Variants in BSG observed in about 807,000 individuals in gnomAD.
The protein encoded by BSG is basigin (Ok blood group).
A neutral mutation model predicts 43.1 loss-of-function variants in BSG; 37 were observed. The observed-to-expected ratio is 0.86, with a 90% CI of 0.66 to 1.13. BSG has a LOEUF of 1.13. Ranked by LOEUF, BSG falls within the 50% of genes most tolerant of loss-of-function variation. BSG has a pLI of 0.00. For synonymous variants in BSG, 309 were observed against 238.7 expected (o/e 1.29, Z -2.72); for missense variants, 599 against 554.2 (o/e 1.08, Z -0.81).
At chr19:576,466 A>G (rs72972182) in intron 1 of BSG, among the ~76,000 whole-genome samples, 1 of 152,160 alleles carries the variant, frequency 6.6e-6, no homozygotes, top group Admixed American at 6.5e-5. Context: ...TCCCTTTGTG[A>G]AAATGGCACT....
chr19:577,785 C>T lies in BSG; in HGVS notation c.79C>T (p.Gln27Ter). The T allele has an allele frequency of 7.0e-7, 1 of 1,420,534 alleles. No individual in the cohort carries two copies. The highest frequency in any genetic ancestry group is 9.2e-7 in the Non-Finnish European group (1 of 1,083,518). The allele number at this position is 1,420,534 out of a possible 1,614,324, so 88.0% of individuals were successfully genotyped here. ...TGCTCTCCCCACAGCCGGCTTCGTC[C>T]AGGCGCCGCTGTCCCAGCAGAGGTG... ...HGASGAAGFVQAPLSQQRWVG... is the reference protein window; with the variant it reads ...HGASGAAGFV Residue 27 changes from glutamine (Q) to a stop codon, truncating the protein, a stop_gained, in exon 2 of 9, where the codon CAG (glutamine) becomes TAG (stop). Coordinates refer to ENST00000333511, the MANE Select transcript of BSG (RefSeq NM_001728.4). LOFTEE classifies it high-confidence loss of function.
intron 3 of BSG, 139 bp downstream of exon 3, chr19:579,795 C>A: frequency 3.8e-6 from 5 of 1,325,098 alleles, no homozygotes; most frequent in Non-Finnish European, 5.0e-6. Context: ...TCCGCGCAGA[C>A]CCCCAGAGGG....
chr19:582,061 T>C (rs1159604164), intron 6 of BSG, among the ~76,000 whole-genome samples: 1 of 152,068 alleles, frequency 6.6e-6, no homozygotes, highest in African/African-American at 2.4e-5. Context: ...GGGGCAGGGG[T>C]GAGGCCCACG....
chr19:573,868 G>C (rs112462164), intron 1 of BSG, among the ~76,000 whole-genome samples: 27 of 152,316 alleles, frequency 1.8e-4, no homozygotes, highest in Middle Eastern at 6.8e-3. Context: ...AATGGATTGA[G>C]GTGTGTTTTT....
At chr19:578,231 C>A in intron 2 of BSG, 110 bp downstream of exon 2, 1 of 1,186,794 alleles carries the variant, frequency 8.4e-7, no homozygotes, top group Non-Finnish European at 1.1e-6. Context: ...CTCCGTCCCG[C>A]TGTGCCCCGT....
Position 577,838 on chromosome 19 carries a change from C to CGAGGCCGTGGGCAGCCCG in BSG, c.134_151dup (p.Glu45_Pro50dup). The stretch of plus-strand genomic sequence containing the variant: ...TGGGGGGCAGTGTGGAGCTGCACTG[C>CGAGGCCGTGGGCAGCCCG]GAGGCCGTGGGCAGCCCGGTGCCCG... On this transcript the variant is annotated inframe_insertion, in exon 2 of 9. Coordinates refer to ENST00000333511, the MANE Select transcript of BSG (RefSeq NM_001728.4). 6.6e-7 allele frequency: 1 copy of CGAGGCCGTGGGCAGCCCG among 1,513,160 alleles called. No homozygotes were observed. The highest frequency in any genetic ancestry group is 8.9e-7 in the Non-Finnish European group (1 of 1,122,926). The allele number at this position is 1,513,160 out of a possible 1,614,324, so 93.7% of individuals were successfully genotyped here.
chr19:574,408 C>T (rs895271046), intron 1 of BSG, among the ~76,000 whole-genome samples: 4 of 152,208 alleles, frequency 2.6e-5, no homozygotes, highest in African/African-American at 9.6e-5. Context: ...AAAAAATTAG[C>T]CTGGCGTGGT....
At chr19:580,556 G>C in intron 4 of BSG, 90 bp from the exon 5 acceptor site, 1 of 1,603,858 alleles carries the variant, frequency 6.2e-7, no homozygotes. Flanking sequence ...CTGGCCCCCT[G>C]CTCCCTGGAG....
chr19:579,344 C>T (rs770902744), intron 2 of BSG, 156 bp from the exon 3 acceptor site: 1 of 1,040,910 alleles, frequency 9.6e-7, no homozygotes. Flanking sequence ...AGAAGTTCCC[C>T]TTGGGCCTCC....
chr19:581,113 T>TTGCCTTTGGTCCC (rs1982272456), intron 5 of BSG, among the ~76,000 whole-genome samples: 1 of 82,858 alleles, frequency 1.2e-5, no homozygotes, highest in Non-Finnish European at 2.2e-5. Context: ...GACCCAGCCC[T>TTGCCTTTGGTCCC]CAGGACTGGG....
chr19:576,804 A>G (rs991959833), intron 1 of BSG, among the ~76,000 whole-genome samples: 5 of 151,838 alleles, frequency 3.3e-5, no homozygotes, highest in Admixed American at 6.6e-5. Flanking sequence ...AAACTTGTCA[A>G]CTGCGCCTGC....
chr19:574,324 C>T (rs1192633379), intron 1 of BSG, among the ~76,000 whole-genome samples: 1 of 151,136 alleles, frequency 6.6e-6, no homozygotes, highest in Non-Finnish European at 1.5e-5. Flanking sequence ...GAGGCCGAGG[C>T]GGGCGGATCA....
intron 6 of BSG, among the ~76,000 whole-genome samples, chr19:581,794 G>A (rs778908884): frequency 1.3e-5 from 2 of 152,250 alleles, no homozygotes; most frequent in Admixed American, 6.5e-5. Flanking sequence ...GCGGGACCCC[G>A]GGAGGAGGAG....
chr19:582,384 G>C, intron 7 of BSG, 54 bp downstream of exon 7: 1 of 1,594,772 alleles, frequency 6.3e-7, no homozygotes, highest in Non-Finnish European at 8.5e-7. Context: ...GCTGCCCCAG[G>C]CCTTTAAAAC....
At chr19:571,585 C>A (rs929394299), upstream of BSG, 3 of 779,488 alleles carry the variant, frequency 3.8e-6, no homozygotes, top group African/African-American at 5.1e-5. Context: ...GAAAGGTAAC[C>A]GCCAGCCTCT....
In BSG at chr19:579,571, G is replaced by T. The variant is rs747487226; in HGVS notation, c.487G>T (p.Ala163Ser). 1.2e-6 allele frequency: 2 copies of T among 1,612,630 alleles called. No homozygotes were observed. The highest frequency in any genetic ancestry group is 1.7e-6 in the Non-Finnish European group (2 of 1,179,940). ...ILLTCSLNDS[A>S]TEVTGHRWLK... ...CCTCACCTGCTCCTTGAATGACAGC[G>T]CCACAGAGGTCACAGGGCACCGCTG... is the stretch of plus-strand genomic sequence containing the variant. Residue 163 changes from alanine to serine, a missense_variant, in exon 3 of 9, where the codon GCC (alanine) becomes TCC (serine). By Grantham distance (99) the Ala-to-Ser change is moderately conservative. Transcript: ENST00000333511.
In BSG at chr19:582,525, G is replaced by A. The variant is rs777486851; in HGVS notation, c.1106G>A (p.Gly369Glu). The change falls in exon 8 of 9, where the codon GGG (glycine) becomes GAG (glutamate). Residue 369 changes from glycine (G) to glutamate (E), a missense_variant. Coordinates refer to ENST00000333511, the MANE Select transcript of BSG (RefSeq NM_001728.4). ...CCCTCGTGCCCCAGGAAGAGCAGCG[G>A]GCAGCACCAGAATGACAAAGGCAAG... ...DAGSAPLKSS[G>E]QHQNDKGKNV... 80 of 1,603,296 alleles carry A rather than the reference G, an allele frequency of 5.0e-5. No individual in the cohort carries two copies. Among genetic ancestry groups the A allele is most frequent in the Non-Finnish European group, 6.3e-5 (74 of 1,175,486 alleles).
At chr19:572,499 T>G, upstream of BSG, 2 of 1,198,358 alleles carry the variant, frequency 1.7e-6, no homozygotes, top group African/African-American at 1.6e-5. Context: ...GCGACCGGCG[T>G]CCCCGGCGCT....
At chr19:573,980 C>T (rs572997523) in intron 1 of BSG, among the ~76,000 whole-genome samples, 1 of 152,186 alleles carries the variant, frequency 6.6e-6, no homozygotes, top group Non-Finnish European at 1.5e-5. Flanking sequence ...TGAGGCCGGG[C>T]GTGGTGGCTC....
Sources: allele counts gnomAD v4.1 joint callset (sites outside exome capture counted in the v4.1 genomes callset), GRCh38; gene constraint gnomAD v4.1.1; transcripts MANE v1.5; gene names NCBI Gene and HGNC (gene_info 2026-07-23, HGNC 2026-07-21).